The following ARHGAP15 variants were observed in gnomAD, a reference collection of about 807,000 sequenced individuals.
The protein encoded by ARHGAP15 is Rho GTPase activating protein 15.
In ARHGAP15, 51 loss-of-function variants were observed where a neutral mutation model predicts 63.7. That is an observed-to-expected ratio of 0.80 (90% CI 0.64 to 1.01). ARHGAP15 has a LOEUF of 1.01. ARHGAP15 is among the 50% of genes least tolerant of loss of function. The pLI is 0.00. For missense variants in ARHGAP15, 560 were observed against 564.6 expected (o/e 0.99, Z 0.08); for synonymous variants, 191 against 193.8 (o/e 0.99, Z 0.12).
chr2:143,499,252 G>A (rs1409758594), intron 9 of ARHGAP15, among the ~76,000 whole-genome samples: 3 of 152,122 alleles, frequency 2.0e-5, no homozygotes, highest in African/African-American at 4.8e-5. Context: ...GCCTGATGTC[G>A]ACTTATGGTT....
chr2:143,327,912 A>G (rs978704706), intron 6 of ARHGAP15, among the ~76,000 whole-genome samples: 1 of 148,230 alleles, frequency 6.7e-6, no homozygotes, highest in African/African-American at 2.6e-5. Context: ...ACAAGACAAA[A>G]AAAAAAAATC....
chr2:143,389,334 C>A (rs952296412), intron 6 of ARHGAP15, among the ~76,000 whole-genome samples: 8 of 152,020 alleles, frequency 5.3e-5, no homozygotes, highest in African/African-American at 1.7e-4. Flanking sequence ...ACGTCTGTTA[C>A]ATTCATGAAT....
At chr2:143,719,117 A>C (rs1684936376) in intron 13 of ARHGAP15, among the ~76,000 whole-genome samples, 3 of 152,224 alleles carry the variant, frequency 2.0e-5, no homozygotes, top group East Asian at 1.9e-4. Flanking sequence ...GGTGGGCAAG[A>C]CATAGGTTGG....
At chr2:143,753,123 C>T (rs6749887) in intron 13 of ARHGAP15, among the ~76,000 whole-genome samples, 27,728 of 152,054 alleles carry the variant, frequency 0.18, 3,086 homozygotes, top group East Asian at 0.3. Flanking sequence ...CTAGCCTGGG[C>T]GACAGAATAA....
chr2:143,133,738 C>A (rs1232223858), intron 1 of ARHGAP15, among the ~76,000 whole-genome samples: 1 of 151,946 alleles, frequency 6.6e-6, no homozygotes, highest in Admixed American at 6.6e-5. Flanking sequence ...TAAGCTATTT[C>A]TTATATTTTT....
chr2:143,216,432 G>A lies in ARHGAP15; in HGVS notation c.283G>A (p.Gly95Arg), dbSNP rs757406465. Residue 95 changes from glycine to arginine, a missense_variant, in exon 4 of 14, where the codon GGA becomes AGA. Transcript: ENST00000295095. Reference protein sequence around the residue: ...YLQKAKIADGGKKLRKNWSTS... With the variant: ...YLQKAKIADGRKKLRKNWSTS... ...GCAAAAAGCTAAAATTGCAGATGGA[G>A]GAAAGAAACTAAGGTAATAAAATTC... The A allele has an allele frequency of 2.5e-6, 4 of 1,607,852 alleles. No individual in the cohort carries two copies. Among genetic ancestry groups the A allele is most frequent in the South Asian group, 2.2e-5 (2 of 90,154 alleles).
chr2:143,230,596 GAACT>G (rs893534140), intron 5 of ARHGAP15, among the ~76,000 whole-genome samples: 3 of 152,158 alleles, frequency 2.0e-5, no homozygotes, highest in Non-Finnish European at 4.4e-5. Flanking sequence ...TTCATGGCAG[GAACT>G]AACTGTGTTT....
intron 6 of ARHGAP15, among the ~76,000 whole-genome samples, chr2:143,308,122 T>C (rs1300868738): frequency 1.3e-5 from 2 of 152,128 alleles, no homozygotes; most frequent in Non-Finnish European, 2.9e-5. Flanking sequence ...GTCTTTGGTA[T>C]AGCTGTGAGG....
chr2:143,458,953 T>C (rs1000405606), intron 8 of ARHGAP15, among the ~76,000 whole-genome samples: 2 of 152,158 alleles, frequency 1.3e-5, no homozygotes, highest in Admixed American at 1.3e-4. Flanking sequence ...TTTTTTTTCT[T>C]CTTAATTTAA....
intron 6 of ARHGAP15, among the ~76,000 whole-genome samples, chr2:143,412,800 T>C (rs907555735): frequency 2.6e-5 from 4 of 152,296 alleles, no homozygotes; most frequent in East Asian, 1.9e-4. Context: ...ACCCCAGTTA[T>C]ACATCTCAAA....
At chr2:143,142,840 G>C (rs1689427152) in intron 1 of ARHGAP15, among the ~76,000 whole-genome samples, 1 of 152,080 alleles carries the variant, frequency 6.6e-6, no homozygotes, top group Non-Finnish European at 1.5e-5. Flanking sequence ...TAATAGATTA[G>C]ATTCTCTGTC....
intron 6 of ARHGAP15, among the ~76,000 whole-genome samples, chr2:143,420,683 G>A (rs986492339): frequency 1.2e-4 from 18 of 152,098 alleles, no homozygotes; most frequent in African/African-American, 4.3e-4. Flanking sequence ...GACTTTTTGT[G>A]ATTTTGCTTA....
At chr2:143,704,429 T>C (rs1471336563) in intron 13 of ARHGAP15, among the ~76,000 whole-genome samples, 1 of 152,074 alleles carries the variant, frequency 6.6e-6, no homozygotes, top group Non-Finnish European at 1.5e-5. Context: ...TTGCTGCTGG[T>C]TGGGATACCA....
At chr2:143,539,489 T>A (rs1205052194) in intron 10 of ARHGAP15, among the ~76,000 whole-genome samples, 4 of 152,200 alleles carry the variant, frequency 2.6e-5, no homozygotes, top group African/African-American at 9.7e-5. Context: ...CAATTTTAGA[T>A]CTTTCCTGCT....
intron 9 of ARHGAP15, among the ~76,000 whole-genome samples, chr2:143,493,090 A>G (rs941300289): frequency 6.6e-6 from 1 of 152,014 alleles, no homozygotes; most frequent in Non-Finnish European, 1.5e-5. Flanking sequence ...CAATTAATCA[A>G]TCTATCAACA....
intron 3 of ARHGAP15, among the ~76,000 whole-genome samples, chr2:143,205,829 G>GTC (rs1266367468): frequency 6.6e-6 from 1 of 151,754 alleles, no homozygotes; most frequent in East Asian, 1.9e-4. Flanking sequence ...CTGATGAAAC[G>GTC]TCTCAATGGT....
chr2:143,413,544 C>T (rs534274229), intron 6 of ARHGAP15, among the ~76,000 whole-genome samples: 1 of 152,272 alleles, frequency 6.6e-6, no homozygotes, highest in South Asian at 2.1e-4. Context: ...TAATAGCTCA[C>T]CGTAATCTTG....
At chr2:143,395,392 G>A (rs568107230) in intron 6 of ARHGAP15, among the ~76,000 whole-genome samples, 18 of 152,196 alleles carry the variant, frequency 1.2e-4, no homozygotes, top group African/African-American at 4.3e-4. Context: ...AAACAAAGTC[G>A]ATGACTTCAT....
chr2:143,400,908 C>T (rs190407401), intron 6 of ARHGAP15, among the ~76,000 whole-genome samples: 11 of 151,978 alleles, frequency 7.2e-5, no homozygotes, highest in Admixed American at 3.9e-4. Flanking sequence ...AATGAAAGTC[C>T]GAGAACTCAG....
Sources: allele counts gnomAD v4.1 joint callset (sites outside exome capture counted in the v4.1 genomes callset), GRCh38; gene constraint gnomAD v4.1.1; transcripts MANE v1.5; gene names NCBI Gene and HGNC (gene_info 2026-07-23, HGNC 2026-07-21).